The following ADGRL3 variants were observed in gnomAD, a reference collection of about 807,000 sequenced individuals.
ADGRL3 encodes adhesion G protein-coupled receptor L3.
Under a neutral mutation model 153.5 loss-of-function variants are expected in ADGRL3, and 62 were observed. The ratio of observed to expected loss-of-function variants is 0.40; its 90% confidence interval spans 0.33 to 0.50. The LOEUF is 0.50. Among genes scored for constraint, ADGRL3 ranks in the 20% least tolerant of loss-of-function variants. The probability of loss-of-function intolerance (pLI) is 0.47; values close to 1 mark genes in which losing one functional copy is unlikely to be tolerated. For synonymous variants in ADGRL3, 710 were observed against 672.5 expected (o/e 1.06, Z -0.86); for missense variants, 1,641 against 1,859.4 (o/e 0.88, Z 2.16).
intron 24 of ADGRL3, among the ~76,000 whole-genome samples, chr4:62,042,774 A>T (rs1437889574): frequency 6.6e-6 from 1 of 152,104 alleles, no homozygotes; most frequent in Non-Finnish European, 1.5e-5. Flanking sequence ...ATTCTGTAGT[A>T]TAATGAATAG....
At chr4:61,651,773 ATT>A (rs377167454) in intron 5 of ADGRL3, among the ~76,000 whole-genome samples, 15 of 126,716 alleles carry the variant, frequency 1.2e-4, no homozygotes, top group Non-Finnish European at 8.4e-5. Context: ...AGGCCCAGCT[ATT>A]TTTTTTTTTT....
At chr4:61,376,382 GT>G (rs2096602861) in intron 1 of ADGRL3, among the ~76,000 whole-genome samples, 1 of 145,032 alleles carries the variant, frequency 6.9e-6, no homozygotes, top group Non-Finnish European at 1.6e-5. Context: ...CAGAGGATAA[GT>G]TAAATGCTGT....
intron 25 of ADGRL3, among the ~76,000 whole-genome samples, chr4:62,057,726 G>A (rs1049204501): frequency 6.6e-6 from 1 of 152,088 alleles, no homozygotes; most frequent in African/African-American, 2.4e-5. Context: ...CGCCCAGGCT[G>A]GAATGCAGTG....
intron 8 of ADGRL3, among the ~76,000 whole-genome samples, chr4:61,793,276 T>C (rs1295520765): frequency 1.3e-5 from 2 of 151,996 alleles, no homozygotes; most frequent in Non-Finnish European, 2.9e-5. Context: ...TACAAAAAAT[T>C]AGCCAGTTGT....
At chr4:61,591,825 G>A (rs762081733) in intron 5 of ADGRL3, among the ~76,000 whole-genome samples, 2 of 151,644 alleles carry the variant, frequency 1.3e-5, no homozygotes, top group Non-Finnish European at 1.5e-5. Context: ...ACCTGTAATC[G>A]CAGCCCTTTG....
chr4:61,659,897 CAAAAAA>C (rs566191178), intron 5 of ADGRL3, among the ~76,000 whole-genome samples: 1 of 109,108 alleles, frequency 9.2e-6, no homozygotes, highest in Non-Finnish European at 1.8e-5. Flanking sequence ...GTGAAGATTA[CAAAAAA>C]AAAAAAAAAA....
chr4:61,768,858 G>A (rs1461868403), intron 8 of ADGRL3, among the ~76,000 whole-genome samples: 2 of 151,888 alleles, frequency 1.3e-5, no homozygotes, highest in East Asian at 1.9e-4. Context: ...ACGGAAATAA[G>A]GGATTGGGGC....
chr4:61,634,914 A>G (rs1482758175), intron 5 of ADGRL3, among the ~76,000 whole-genome samples: 1 of 152,174 alleles, frequency 6.6e-6, no homozygotes, highest in Non-Finnish European at 1.5e-5. Context: ...AATCTGCAAG[A>G]GCCCTATTTA....
At chr4:61,819,520 A>G (rs931026826) in intron 9 of ADGRL3, among the ~76,000 whole-genome samples, 8 of 152,092 alleles carry the variant, frequency 5.3e-5, no homozygotes, top group Non-Finnish European at 1.2e-4. Flanking sequence ...CAGTCTACAT[A>G]TATGTTAATG....
chr4:61,927,196 T>C (rs1261885393), intron 13 of ADGRL3, among the ~76,000 whole-genome samples: 1 of 152,174 alleles, frequency 6.6e-6, no homozygotes, highest in Non-Finnish European at 1.5e-5. Flanking sequence ...CAGTTAATAT[T>C]TGTTGAATGA....
intron 23 of ADGRL3, among the ~76,000 whole-genome samples, chr4:62,034,252 C>T (rs927039737): frequency 4.6e-5 from 7 of 151,592 alleles, no homozygotes; most frequent in African/African-American, 1.5e-4. Context: ...ACTACATTTT[C>T]AATACATAAA....
intron 17 of ADGRL3, among the ~76,000 whole-genome samples, chr4:61,959,708 T>C (rs1472790846): frequency 6.6e-6 from 1 of 152,150 alleles, no homozygotes; most frequent in African/African-American, 2.4e-5. Flanking sequence ...TACTTGTTTT[T>C]CAAAAAGAAT....
chr4:61,859,616 C>G (rs751718687), intron 9 of ADGRL3, among the ~76,000 whole-genome samples: 1 of 152,156 alleles, frequency 6.6e-6, no homozygotes, highest in Non-Finnish European at 1.5e-5. Flanking sequence ...ATAGAAACAA[C>G]AGTAACCTCA....
intron 2 of ADGRL3, among the ~76,000 whole-genome samples, chr4:61,479,462 G>T (rs1023924452): frequency 1.3e-5 from 2 of 152,020 alleles, no homozygotes; most frequent in Non-Finnish European, 2.9e-5. Context: ...ATCTATAAAA[G>T]TACCCAATAT....
intron 8 of ADGRL3, among the ~76,000 whole-genome samples, chr4:61,757,364 G>C (rs2096848060): frequency 6.6e-6 from 1 of 152,086 alleles, no homozygotes; most frequent in Admixed American, 6.6e-5. Context: ...TGTATGTGTT[G>C]AGGAATTTTT....
intron 6 of ADGRL3, among the ~76,000 whole-genome samples, chr4:61,680,346 A>G (rs2095308129): frequency 6.6e-6 from 1 of 151,114 alleles, no homozygotes; most frequent in African/African-American, 2.4e-5. Flanking sequence ...ACTATTTATG[A>G]ATGTTTCATT....
intron 5 of ADGRL3, among the ~76,000 whole-genome samples, chr4:61,645,920 C>T (rs2093956243): frequency 6.6e-6 from 1 of 152,200 alleles, no homozygotes; most frequent in African/African-American, 2.4e-5. Flanking sequence ...CTTTCAGGTA[C>T]ACCAATCAGA....
At chr4:61,678,032 GT>G (rs1441118532) in intron 6 of ADGRL3, among the ~76,000 whole-genome samples, 1 of 151,936 alleles carries the variant, frequency 6.6e-6, no homozygotes, top group African/African-American at 2.4e-5. Context: ...GATCTTCATT[GT>G]TATGAAAAAT....
intron 9 of ADGRL3, among the ~76,000 whole-genome samples, chr4:61,869,439 A>G (rs937802785): frequency 6.6e-6 from 1 of 151,470 alleles, no homozygotes; most frequent in Non-Finnish European, 1.5e-5. Context: ...TCTACTAAAA[A>G]TACAAAAAAT....
Sources: allele counts gnomAD v4.1 joint callset (sites outside exome capture counted in the v4.1 genomes callset), GRCh38; gene constraint gnomAD v4.1.1; transcripts MANE v1.5; gene names NCBI Gene and HGNC (gene_info 2026-07-23, HGNC 2026-07-21).